Variants in ARSJ observed in about 807,000 individuals in gnomAD.
ARSJ encodes arylsulfatase J.
A neutral mutation model predicts 35.9 loss-of-function variants in ARSJ; 26 were observed. The ratio of observed to expected loss-of-function variants is 0.72; its 90% CI spans 0.53 to 1.00. The LOEUF (loss-of-function observed/expected upper bound fraction) is 1.00, where lower values mean the gene tolerates loss of function less well. Ranked by LOEUF, ARSJ falls within the 50% of genes least tolerant of loss-of-function variation. ARSJ has a pLI of 0.00. For synonymous variants in ARSJ, 294 were observed against 267.6 expected (o/e 1.10, Z -0.96); for missense variants, 667 against 723.6 (o/e 0.92, Z 0.90).
Position 113,978,491 on chromosome 4 carries a change from T to C in ARSJ, c.344A>G (p.Asn115Ser), listed in dbSNP as rs557205471. 6.2e-7 allele frequency: 1 copy of C among 1,614,032 alleles called. No individual in the cohort carries two copies. Among genetic ancestry groups the C allele is most frequent in the South Asian group, 1.1e-5 (1 of 91,082 alleles). Reference protein sequence around the residue: ...KLAAEGVKLENYYVQPICTPS... With the variant: ...KLAAEGVKLESYYVQPICTPS... The stretch of plus-strand genomic sequence containing the variant: ...TGTGCAAATAGGCTGGACATAGTAG[T>C]TCTCCAGTTTAACTCCTTCGGCAGC... Residue 115 changes from asparagine (N) to serine (S), a missense_variant, in exon 1 of 2, where the codon AAC becomes AGC. Coordinates refer to ENST00000315366, the MANE Select transcript of ARSJ (RefSeq NM_024590.4).
At chr4:113,945,359 A>G (rs1725410099) in intron 1 of ARSJ, among the ~76,000 whole-genome samples, 1 of 152,174 alleles carries the variant, frequency 6.6e-6, no homozygotes, top group South Asian at 2.1e-4. Context: ...ACTGGTATCA[A>G]ACTCCTGGGC....
At chr4:113,940,935 G>T (rs1248476065) in intron 1 of ARSJ, among the ~76,000 whole-genome samples, 1 of 151,772 alleles carries the variant, frequency 6.6e-6, no homozygotes. Context: ...TGATTTCTTT[G>T]TTCTCTTCCA....
At chr4:113,958,122 C>T (rs1726301813) in intron 1 of ARSJ, among the ~76,000 whole-genome samples, 2 of 152,028 alleles carry the variant, frequency 1.3e-5, no homozygotes, top group African/African-American at 4.8e-5. Context: ...GAGATGCCTT[C>T]CAGCTGTTGC....
At chr4:113,967,402 T>G (rs1315702020) in intron 1 of ARSJ, among the ~76,000 whole-genome samples, 1 of 152,164 alleles carries the variant, frequency 6.6e-6, no homozygotes. Context: ...ATCTAAAACT[T>G]AGAATGTATT....
At chr4:113,940,719 A>T (rs372213567) in intron 1 of ARSJ, among the ~76,000 whole-genome samples, 23 of 152,108 alleles carry the variant, frequency 1.5e-4, no homozygotes, top group African/African-American at 5.5e-4. Context: ...GATTTCGCCC[A>T]CTTTAAAACT....
chr4:113,957,649 AT>A (rs1726269248), intron 1 of ARSJ, among the ~76,000 whole-genome samples: 1 of 152,080 alleles, frequency 6.6e-6, no homozygotes, highest in Admixed American at 6.6e-5. Flanking sequence ...ATTTACTTTC[AT>A]AGTTCACGGT....
intron 1 of ARSJ, among the ~76,000 whole-genome samples, chr4:113,971,537 T>G (rs1477003484): frequency 6.6e-6 from 1 of 152,190 alleles, no homozygotes; most frequent in Non-Finnish European, 1.5e-5. Flanking sequence ...CAAATAGGAA[T>G]TGGCAGCTCT....
At chr4:113,960,602 G>T (rs1054706026) in intron 1 of ARSJ, among the ~76,000 whole-genome samples, 1 of 152,028 alleles carries the variant, frequency 6.6e-6, no homozygotes, top group South Asian at 2.1e-4. Flanking sequence ...TCTTATAAAA[G>T]ATGTGTTTAA....
rs761159728 is a variant in ARSJ at position 113,902,293 on chromosome 4, G to A, written c.1781C>T (p.Ser594Leu). 1 of 1,611,480 alleles carries A rather than the reference G, an allele frequency of 6.2e-7. No homozygotes were observed. Among genetic ancestry groups the A allele is most frequent in the Admixed American group, 1.7e-5 (1 of 60,030 alleles). ...QKAVSGSTCH[S>L]GVTCG ...TTGTGCTTATCCACAAGTAACACCT[G>A]AATGGCAAGTTGAACCTGAGACTGC... Residue 594 changes from serine (S) to leucine (L), a missense_variant, in exon 2 of 2, where the codon TCA becomes TTA. Physicochemically the swap from Ser to Leu is moderately radical, Grantham distance 145. Coordinates refer to ENST00000315366, the MANE Select transcript of ARSJ (RefSeq NM_024590.4).
intron 1 of ARSJ, among the ~76,000 whole-genome samples, chr4:113,908,274 C>T (rs58369546): frequency 0.092 from 13,914 of 151,570 alleles, 731 homozygotes; most frequent in African/African-American, 0.14. Flanking sequence ...GTGGCTAACA[C>T]AGGAGAATAC....
chr4:113,900,387 C>A lies in ARSJ; in HGVS notation c.*1887G>T, dbSNP rs978831886. 5 of 151,904 alleles carry A rather than the reference C, an allele frequency of 3.3e-5. No homozygotes were observed. Among genetic ancestry groups the A allele is most frequent in the African/African-American group, 1.2e-4 (5 of 41,348 alleles). 9.4% of individuals were successfully genotyped at this position (151,904 alleles called of 1,614,324 possible). On this transcript the variant is annotated 3_prime_UTR_variant, in exon 2 of 2. Coordinates refer to ENST00000315366, the MANE Select transcript of ARSJ (RefSeq NM_024590.4). Reference sequence around the variant, plus strand: ...CTTTACACTATAAAATAAAATGGAGCCATATATTCTAGAAATAAAATGTTA... The same window carrying A: ...CTTTACACTATAAAATAAAATGGAGACATATATTCTAGAAATAAAATGTTA...
At chr4:113,948,135 G>GAACTTCTGA (rs1725618065) in intron 1 of ARSJ, among the ~76,000 whole-genome samples, 1 of 152,120 alleles carries the variant, frequency 6.6e-6, no homozygotes, top group Non-Finnish European at 1.5e-5. Context: ...GTTGCAGCCA[G>GAACTTCTGA]CCGAGATTGT....
chr4:113,953,507 C>T (rs968629546), intron 1 of ARSJ, among the ~76,000 whole-genome samples: 2 of 151,942 alleles, frequency 1.3e-5, no homozygotes, highest in Non-Finnish European at 2.9e-5. Flanking sequence ...GTAATGGATA[C>T]AAACTTAGTA....
intron 1 of ARSJ, among the ~76,000 whole-genome samples, chr4:113,908,688 T>C (rs1406880961): frequency 6.6e-6 from 1 of 152,202 alleles, no homozygotes; most frequent in Non-Finnish European, 1.5e-5. Context: ...GTTCCCCTAA[T>C]ATATGCACGT....
At chr4:113,963,458 C>A (rs1726691085) in intron 1 of ARSJ, among the ~76,000 whole-genome samples, 1 of 151,958 alleles carries the variant, frequency 6.6e-6, no homozygotes, top group Admixed American at 6.6e-5. Context: ...GGAAAAGCGC[C>A]TTATAAAACC....
chr4:113,951,159 T>G (rs2149275225), intron 1 of ARSJ, among the ~76,000 whole-genome samples: 1 of 152,154 alleles, frequency 6.6e-6, no homozygotes, highest in Non-Finnish European at 1.5e-5. Context: ...ATGGGGAAGT[T>G]CAATATCTCA....
At chr4:113,929,911 A>G (rs964856723) in intron 1 of ARSJ, among the ~76,000 whole-genome samples, 3 of 152,122 alleles carry the variant, frequency 2.0e-5, no homozygotes, top group Admixed American at 1.3e-4. Flanking sequence ...TCTCACAAGC[A>G]GTGAGTGAAT....
At chr4:113,923,344 A>G (rs932681654) in intron 1 of ARSJ, among the ~76,000 whole-genome samples, 3 of 152,190 alleles carry the variant, frequency 2.0e-5, no homozygotes, top group Non-Finnish European at 4.4e-5. Flanking sequence ...CTTTCAGAGA[A>G]TAAAAAATAA....
chr4:113,953,409 T>A (rs1436587844), intron 1 of ARSJ, among the ~76,000 whole-genome samples: 2 of 152,114 alleles, frequency 1.3e-5, no homozygotes, highest in African/African-American at 2.4e-5. Context: ...GCAAACAAAA[T>A]ATATCCTATT....
Sources: gnomAD v4.1 joint callset for allele counts (sites outside exome capture counted in the v4.1 genomes callset) on GRCh38, gnomAD v4.1.1 for gene constraint, MANE v1.5 for transcripts, NCBI Gene and HGNC (gene_info 2026-07-23, HGNC 2026-07-21) for gene names.